Variants in NEDD4L observed in about 807,000 individuals in gnomAD.
NEDD4L encodes the protein NEDD4 like E3 ubiquitin protein ligase.
NEDD4L carries 54 observed loss-of-function variants against 148.9 expected under a neutral mutation model. The observed-to-expected ratio is 0.36, with a 90% confidence interval of 0.29 to 0.45. The LOEUF (loss-of-function observed/expected upper bound fraction) is 0.45. NEDD4L is among the 20% of genes least tolerant of loss of function. The probability of loss-of-function intolerance (pLI) is 1.00; values close to 1 mark genes in which losing one functional copy is unlikely to be tolerated. For missense variants in NEDD4L, 856 were observed against 1,233.8 expected, an observed-to-expected ratio of 0.69 and a Z score of 4.59; for synonymous variants, 433 against 440.7, an observed-to-expected ratio of 0.98 and a Z score of 0.22.
intron 2 of NEDD4L, among the ~76,000 whole-genome samples, chr18:58,197,309 G>C (rs1383155063): frequency 3.9e-5 from 6 of 152,158 alleles, no homozygotes; most frequent in Admixed American, 3.9e-4. Context: ...TTGCACGCAA[G>C]GTGATGGTTC....
chr18:58,247,381 C>G (rs1399818980), intron 3 of NEDD4L: 1 of 152,164 alleles, frequency 6.6e-6, no homozygotes, highest in Admixed American at 6.5e-5. Flanking sequence ...CCATTGTTCC[C>G]TGTGTTAGGC....
intron 1 of NEDD4L, among the ~76,000 whole-genome samples, chr18:58,066,572 C>T (rs2082607964): frequency 6.6e-6 from 1 of 151,924 alleles, no homozygotes. Flanking sequence ...CTCACCTTGG[C>T]CTCCCAAACT....
At chr18:58,272,416 G>T (rs761123029) in intron 5 of NEDD4L, among the ~76,000 whole-genome samples, 1 of 152,084 alleles carries the variant, frequency 6.6e-6, no homozygotes, top group African/African-American at 2.4e-5. Flanking sequence ...CAGATAGATC[G>T]TTTAAGCTCA....
intron 2 of NEDD4L, among the ~76,000 whole-genome samples, chr18:58,167,291 A>T (rs1415811352): frequency 6.6e-6 from 1 of 152,212 alleles, no homozygotes; most frequent in Non-Finnish European, 1.5e-5. Flanking sequence ...TCATGCAAGG[A>T]TAAGCCAGGT....
In NEDD4L at chr18:58,256,008, A is replaced by T; in HGVS notation, c.297+3954A>T. Reference sequence around the variant, plus strand: ...GATGGGCCTCCATGCGCAACGCCCGACCCCAGGGACCAGGCCTCCGCCACT... The same window carrying T: ...GATGGGCCTCCATGCGCAACGCCCGTCCCCAGGGACCAGGCCTCCGCCACT... On this transcript the variant is annotated intron_variant, in intron 5 of 30. Transcript: ENST00000400345. This position sits in a 1 kb window ranked among gnomAD's most constrained non-coding sequence, Gnocchi z 5.2. 1 of 1,229,914 alleles carries T rather than the reference A, an allele frequency of 8.1e-7. No individual in the cohort carries two copies. The highest frequency in any genetic ancestry group is 1.0e-6 in the Non-Finnish European group (1 of 986,996). 76.2% of individuals were successfully genotyped at this position (1,229,914 alleles called of 1,614,324 possible).
At chr18:58,335,369 TG>T (rs2041598033) in intron 12 of NEDD4L, 108 bp from the exon 13 acceptor site, 3 of 858,408 alleles carry the variant, frequency 3.5e-6, no homozygotes, top group Non-Finnish European at 5.8e-6. Context: ...TCAGGGATTC[TG>T]ATCTCACGTC....
chr18:58,384,672 T>C (rs2048776308), intron 25 of NEDD4L, among the ~76,000 whole-genome samples: 1 of 152,168 alleles, frequency 6.6e-6, no homozygotes, highest in Non-Finnish European at 1.5e-5. Context: ...AATCACCAAC[T>C]GCTCCCTGAT....
At chr18:58,218,753 C>G (rs1361161602) in intron 2 of NEDD4L, among the ~76,000 whole-genome samples, 1 of 152,206 alleles carries the variant, frequency 6.6e-6, no homozygotes, top group Non-Finnish European at 1.5e-5. Context: ...TGGTTTTAGA[C>G]TTAGTCTCAG....
intron 2 of NEDD4L, among the ~76,000 whole-genome samples, chr18:58,234,100 T>TCTTTCTTTCTTTC (rs2045646674): frequency 2.5e-5 from 2 of 80,250 alleles, no homozygotes; most frequent in African/African-American, 1.4e-4. Context: ...TTTCTTTCTT[T>TCTTTCTTTCTTTC]CTTTTCTTTT....
chr18:58,148,503 C>G (rs775650610), intron 1 of NEDD4L, among the ~76,000 whole-genome samples: 8 of 152,208 alleles, frequency 5.3e-5, no homozygotes, highest in African/African-American at 7.2e-5. Flanking sequence ...AAGCCAAGAT[C>G]AGGAGACCAG....
chr18:58,312,489 A>C (rs889974487), intron 5 of NEDD4L, among the ~76,000 whole-genome samples: 2 of 152,150 alleles, frequency 1.3e-5, no homozygotes, highest in Non-Finnish European at 2.9e-5. Context: ...GGGTGCTGTG[A>C]TGGCCTCAAA....
intron 2 of NEDD4L, among the ~76,000 whole-genome samples, chr18:58,234,095 T>C (rs1249397236): frequency 2.3e-5 from 2 of 86,850 alleles, no homozygotes; most frequent in African/African-American, 1.2e-4. Context: ...CTTTCTTTCT[T>C]TCTTTCTTTT....
chr18:58,401,199 C>T lies in NEDD4L; in HGVS notation c.*4930C>T, dbSNP rs951766087. 1 of 152,128 alleles carries T rather than the reference C, an allele frequency of 6.6e-6. No individual in the cohort carries two copies. The highest frequency in any genetic ancestry group is 2.4e-5 in the African/African-American group (1 of 41,418). 9.4% of individuals were successfully genotyped at this position (152,128 alleles called of 1,614,324 possible). On this transcript the variant is annotated 3_prime_UTR_variant, in exon 31 of 31. Transcript: ENST00000400345. ...CATTCCAAATAAATTATCAATGTTT[C>T]ATAACTTTTTATTATAAACCCACCT... is the stretch of plus-strand genomic sequence containing the variant.
intron 1 of NEDD4L, among the ~76,000 whole-genome samples, chr18:58,048,482 G>A (rs1227261616): frequency 2.0e-5 from 3 of 152,316 alleles, no homozygotes; most frequent in Middle Eastern, 3.4e-3. Context: ...AAGAGGTTAC[G>A]TGACCTGCAT....
intron 5 of NEDD4L, among the ~76,000 whole-genome samples, chr18:58,267,091 A>G (rs2050324475): frequency 6.6e-6 from 1 of 152,104 alleles, no homozygotes; most frequent in Non-Finnish European, 1.5e-5. Flanking sequence ...TAAAATTTGG[A>G]AATTTCATTC....
At position 58,252,485 on chromosome 18, in the gene NEDD4L, CTAAT is replaced by C. The variant is rs1447188643; in HGVS notation, c.297+435_297+438del. ...TAATTCTCTCAGGGAAAATAACAAT[CTAAT>C]TAACAACGTATAGCAAAAAGTGAAT... On this transcript the variant is annotated intron_variant, in intron 5 of 30. Transcript: ENST00000400345. 7.2e-5 allele frequency among the ~76,000 whole-genome samples: 11 copies of C among 152,200 alleles called. No individual in the cohort carries two copies. The East Asian group carries it at 2.1e-3, about 29-fold the overall frequency.
At chr18:58,325,577 A>AT (rs1257539995) in intron 9 of NEDD4L, among the ~76,000 whole-genome samples, 1 of 152,168 alleles carries the variant, frequency 6.6e-6, no homozygotes, top group Non-Finnish European at 1.5e-5. Flanking sequence ...AAGTTTTTGG[A>AT]TGTTTACTCT....
intron 2 of NEDD4L, among the ~76,000 whole-genome samples, chr18:58,176,870 C>G (rs1324592621): frequency 6.6e-6 from 1 of 152,216 alleles, no homozygotes; most frequent in Non-Finnish European, 1.5e-5. Flanking sequence ...GGCAGAGAAT[C>G]TGATGTGTTT....
intron 30 of NEDD4L, among the ~76,000 whole-genome samples, chr18:58,394,090 A>G (rs2050172934): frequency 6.6e-6 from 1 of 152,160 alleles, no homozygotes; most frequent in African/African-American, 2.4e-5. Flanking sequence ...GAGCTCCTTA[A>G]AGTCACCCAG....
Sources: allele counts gnomAD v4.1 joint callset (sites outside exome capture counted in the v4.1 genomes callset), GRCh38; gene constraint gnomAD v4.1.1; non-coding constraint Gnocchi (gnomAD v3.1); transcripts MANE v1.5; gene names NCBI Gene and HGNC (gene_info 2026-07-23, HGNC 2026-07-21).